The following WTIP variants were observed in gnomAD, a reference collection of about 807,000 sequenced individuals.
WTIP encodes Wilms tumor protein 1-interacting protein.
WTIP carries 23 observed loss-of-function variants against 41.7 expected under a neutral mutation model. The observed-to-expected ratio is 0.55, with a 90% CI of 0.40 to 0.78. The LOEUF (loss-of-function observed/expected upper bound fraction) is 0.78, where lower values mean the gene tolerates loss of function less well. WTIP is among the 30% of genes least tolerant of loss of function. WTIP has a pLI of 0.00. For missense variants in WTIP, 619 were observed against 610.5 expected (o/e 1.01, Z -0.15); for synonymous variants, 314 against 269.9 (o/e 1.16, Z -1.60).
intron 2 of WTIP, among the ~76,000 whole-genome samples, chr19:34,491,830 G>C (rs1189291218): frequency 1.3e-5 from 2 of 150,280 alleles, no homozygotes; most frequent in East Asian, 2.0e-4. Flanking sequence ...ATTTTTAGTA[G>C]AGATGTGGTT....
chr19:34,495,667 A>G (rs757328001), intron 6 of WTIP, 36 bp from the exon 7 acceptor site: 5 of 1,612,242 alleles, frequency 3.1e-6, no homozygotes, highest in East Asian at 2.2e-5. Flanking sequence ...CAGTCCCCAC[A>G]TGCTCATCGT....
In WTIP at chr19:34,505,213, A is replaced by G. The variant is rs1190191825; in HGVS notation, c.*4944A>G. On this transcript the variant is annotated 3_prime_UTR_variant, in exon 8 of 8. Transcript: ENST00000590071. ...CTGAGGTGGTGGAAGGAGCTCACCT[A>G]TCTCAGGCCCAGGCCCTTGCCAGGT... 2 of 152,154 alleles carry G rather than the reference A, an allele frequency of 1.3e-5. No individual in the cohort carries two copies. The highest frequency in any genetic ancestry group is 2.4e-5 in the African/African-American group (1 of 41,398). The allele number at this position is 152,154 out of a possible 1,614,324, so 9.4% of individuals were successfully genotyped here. A position where few individuals can be genotyped will look rare whatever the true frequency, so the allele number is the denominator to read the frequency against.
chr19:34,490,259 C>G (rs2075818802), intron 1 of WTIP, 117 bp from the exon 2 acceptor site: 1 of 882,588 alleles, frequency 1.1e-6, no homozygotes, highest in Admixed American at 2.1e-5. Flanking sequence ...TGATGTTGGC[C>G]TAGGAAAGTT....
At chr19:34,496,668 GGGGGGTTGGGGGTT>G (rs763204645) in intron 7 of WTIP, among the ~76,000 whole-genome samples, 1 of 151,700 alleles carries the variant, frequency 6.6e-6, no homozygotes, top group South Asian at 2.1e-4. Context: ...GTCTGGATGT[GGGGGGTTGGGGGTT>G]GGGGGTTGGG....
Position 34,504,274 on chromosome 19 carries a change from CAG to C in WTIP, c.*4008_*4009del, listed in dbSNP as rs2075901823. 1 of 151,912 alleles carries C rather than the reference CAG, an allele frequency of 6.6e-6. No individual in the cohort carries two copies. Among genetic ancestry groups the C allele is most frequent in the Non-Finnish European group, 1.5e-5 (1 of 68,062 alleles). 9.4% of individuals were successfully genotyped at this position (151,912 alleles called of 1,614,324 possible). A position where few individuals can be genotyped will look rare whatever the true frequency, so the allele number is the denominator to read the frequency against. The stretch of plus-strand genomic sequence containing the variant: ...AGGGATTGAACTGGAGCGAGACCAA[CAG>C]AGCCCTGACGCTGGGATTTGGGAGG... On this transcript the variant is annotated 3_prime_UTR_variant, in exon 8 of 8. Coordinates refer to ENST00000590071, the MANE Select transcript of WTIP (RefSeq NM_001080436.2).
chr19:34,497,422 C>A (rs1252308842), intron 7 of WTIP, among the ~76,000 whole-genome samples: 1 of 152,184 alleles, frequency 6.6e-6, no homozygotes, highest in African/African-American at 2.4e-5. Context: ...AATCCAATTT[C>A]TCTTCCTCCG....
In WTIP at chr19:34,508,969, G is replaced by A. The variant is rs1034329434; in HGVS notation, c.*8700G>A. On this transcript the variant is annotated 3_prime_UTR_variant, in exon 8 of 8. Transcript: ENST00000590071. ...TGTGGTACATTTAGGAAATTTAAATGATTTATTTCTTATAAAACATCATCT... is the reference window on the plus strand; with the variant it reads ...TGTGGTACATTTAGGAAATTTAAATAATTTATTTCTTATAAAACATCATCT... 2 of 152,212 alleles carry A rather than the reference G, an allele frequency of 1.3e-5. No homozygotes were observed. The highest frequency in any genetic ancestry group is 4.8e-5 in the African/African-American group (2 of 41,448). The allele number at this position is 152,212 out of a possible 1,614,324, so 9.4% of individuals were successfully genotyped here. A position where few individuals can be genotyped will look rare whatever the true frequency, so the allele number is the denominator to read the frequency against.
intron 6 of WTIP, 59 bp from the exon 7 acceptor site, chr19:34,495,644 C>T (rs761796214): frequency 5.3e-5 from 84 of 1,588,652 alleles, no homozygotes; most frequent in Middle Eastern, 1.7e-4. Context: ...TGTACACTCA[C>T]GCAGTTTGCC....
Position 34,482,218 on chromosome 19 carries a change from A to AGCGCGCAGCCT in WTIP, c.248_258dup (p.Gly87ArgfsTer218). 1 of 1,149,862 alleles carries AGCGCGCAGCCT rather than the reference A, an allele frequency of 8.7e-7. No individual in the cohort carries two copies. The highest frequency in any genetic ancestry group is 1.1e-6 in the Non-Finnish European group (1 of 939,358). 71.2% of individuals were successfully genotyped at this position (1,149,862 alleles called of 1,614,324 possible). A position where few individuals can be genotyped will look rare whatever the true frequency, so the allele number is the denominator to read the frequency against. ...CCGGCGCGCGGCGGTTCCGGAGCTCAGCGCGCAGCCTGCGGGCAGCCCACG... is the reference window on the plus strand; with the variant it reads ...CCGGCGCGCGGCGGTTCCGGAGCTCAGCGCGCAGCCTGCGCGCAGCCTGCGGGCAGCCCACG... On this transcript the variant is annotated frameshift_variant, in exon 1 of 8. Transcript: ENST00000590071. LOFTEE classifies it high-confidence loss of function.
intron 1 of WTIP, 116 bp from the exon 2 acceptor site, chr19:34,490,260 T>C (rs1026336145): frequency 5.6e-6 from 5 of 896,098 alleles, no homozygotes; most frequent in African/African-American, 4.9e-5. Context: ...GATGTTGGCC[T>C]AGGAAAGTTA....
rs1469277845 is a variant in WTIP, at chr19:34,509,963, C to T, written c.*9694C>T. 1.3e-5 allele frequency: 2 copies of T among 152,226 alleles called. No homozygotes were observed. Among genetic ancestry groups the T allele is most frequent in the Non-Finnish European group, 2.9e-5 (2 of 68,044 alleles). 9.4% of individuals were successfully genotyped at this position (152,226 alleles called of 1,614,324 possible). ...CCCATAGTCGTAGGCAGCTCCACCCCTGTGGCTTTGCAGGGCATAGCTCCC... is the reference window on the plus strand; with the variant it reads ...CCCATAGTCGTAGGCAGCTCCACCCTTGTGGCTTTGCAGGGCATAGCTCCC... On this transcript the variant is annotated 3_prime_UTR_variant, in exon 8 of 8. Coordinates refer to ENST00000590071, the MANE Select transcript of WTIP (RefSeq NM_001080436.2).
intron 7 of WTIP, among the ~76,000 whole-genome samples, chr19:34,499,791 C>G (rs1444457004): frequency 6.6e-6 from 1 of 151,920 alleles, no homozygotes; most frequent in Admixed American, 6.6e-5. Flanking sequence ...CCTCTGCCTC[C>G]CGGGTTTAAG....
Position 34,500,636 on chromosome 19 carries a change from C to T in WTIP, c.*367C>T. The stretch of plus-strand genomic sequence containing the variant: ...GGAGCTGCTGTCTGTTGTTCAGGGG[C>T]CTGGCCCCCGCCCTCCCCCCCGACC... On this transcript the variant is annotated 3_prime_UTR_variant, in exon 8 of 8. Transcript: ENST00000590071. The T allele has an allele frequency of 4.9e-6, 1 of 202,694 alleles. No individual in the cohort carries two copies. The allele number at this position is 202,694 out of a possible 1,614,324, so 12.6% of individuals were successfully genotyped here. A position where few individuals can be genotyped will look rare whatever the true frequency, so the allele number is the denominator to read the frequency against.
At position 34,481,838 on chromosome 19, in the gene WTIP, G is replaced by C. The variant is rs1444198686; in HGVS notation, c.-137G>C. 1 of 331,644 alleles carries C rather than the reference G, an allele frequency of 3.0e-6. No individual in the cohort carries two copies. Among genetic ancestry groups the C allele is most frequent in the East Asian group, 1.7e-4 (1 of 5,782 alleles). 20.5% of individuals were successfully genotyped at this position (331,644 alleles called of 1,614,324 possible). A position where few individuals can be genotyped will look rare whatever the true frequency, so the allele number is the denominator to read the frequency against. ...TGGCCGCCGGAACGACCCCGGCCCGGCGCCGGCCCCGCCCCGCCCCGCGCC... is the reference window on the plus strand; with the variant it reads ...TGGCCGCCGGAACGACCCCGGCCCGCCGCCGGCCCCGCCCCGCCCCGCGCC... On this transcript the variant is annotated 5_prime_UTR_variant, in exon 1 of 8. Transcript: ENST00000590071.
chr19:34,492,748 C>A (rs1286255534), intron 2 of WTIP, among the ~76,000 whole-genome samples: 1 of 150,612 alleles, frequency 6.6e-6, no homozygotes, highest in Non-Finnish European at 1.5e-5. Context: ...AACTGATCTT[C>A]AAGTGAATGT....
rs1169087319 is a variant in WTIP, at chr19:34,506,306, G to A, written c.*6037G>A. 6.6e-6 allele frequency: 1 copy of A among 152,170 alleles called. No individual in the cohort carries two copies. The highest frequency in any genetic ancestry group is 1.5e-5 in the Non-Finnish European group (1 of 68,022). The allele number at this position is 152,170 out of a possible 1,614,324, so 9.4% of individuals were successfully genotyped here. ...TCCTTCCACAGTGTGCACTGAGGGT[G>A]CAGGCCAAACCTTTTAAAGAATAAA... On this transcript the variant is annotated 3_prime_UTR_variant, in exon 8 of 8. Coordinates refer to ENST00000590071, the MANE Select transcript of WTIP (RefSeq NM_001080436.2).
At chr19:34,495,583 C>G in intron 6 of WTIP, 120 bp from the exon 7 acceptor site, 2 of 1,098,560 alleles carry the variant, frequency 1.8e-6, no homozygotes, top group Non-Finnish European at 2.7e-6. Context: ...TGGCAGTGCT[C>G]CCCGGGGCGG....
intron 7 of WTIP, among the ~76,000 whole-genome samples, chr19:34,499,649 T>C (rs2075873742): frequency 6.6e-6 from 1 of 151,776 alleles, no homozygotes; most frequent in African/African-American, 2.4e-5. Context: ...GCAGCTCCAG[T>C]CTCCAGTGCT....
chr19:34,503,602 C>T lies in WTIP; in HGVS notation c.*3333C>T, dbSNP rs1010358022. The stretch of plus-strand genomic sequence containing the variant: ...CCCACTGATGTGGTCTCTGCTGACA[C>T]CTGTGCCTGTGCCTGGGGTCCCTGT... On this transcript the variant is annotated 3_prime_UTR_variant, in exon 8 of 8. Coordinates refer to ENST00000590071, the MANE Select transcript of WTIP (RefSeq NM_001080436.2). The T allele has an allele frequency of 2.6e-5, 4 of 152,882 alleles. No individual in the cohort carries two copies. The highest frequency in any genetic ancestry group is 9.6e-5 in the African/African-American group (4 of 41,472). 9.5% of individuals were successfully genotyped at this position (152,882 alleles called of 1,614,324 possible).
Sources: allele counts gnomAD v4.1 joint callset (sites outside exome capture counted in the v4.1 genomes callset), GRCh38; gene constraint gnomAD v4.1.1; transcripts MANE v1.5; gene names NCBI Gene and HGNC (gene_info 2026-07-23, HGNC 2026-07-21).